The following CNGB1 variants were observed in gnomAD, a reference collection of about 807,000 sequenced individuals.
CNGB1 encodes cyclic nucleotide-gated channel beta-1.
In CNGB1, 126 loss-of-function variants were observed where a neutral mutation model predicts 151.7. That is an observed-to-expected ratio of 0.83 (90% CI 0.72 to 0.96). The LOEUF (loss-of-function observed/expected upper bound fraction) is 0.96. Ranked by LOEUF, CNGB1 falls within the 40% of genes least tolerant of loss-of-function variation. The pLI, the probability that CNGB1 is intolerant of heterozygous loss-of-function variation, is 0.00. For missense variants in CNGB1, 1,698 were observed against 1,627.0 expected, an observed-to-expected ratio of 1.04 and a Z score of -0.75; for synonymous variants, 623 against 635.1, an observed-to-expected ratio of 0.98 and a Z score of 0.29.
At chr16:57,923,112 G>C (rs1208494156) in intron 18 of CNGB1, 161 bp downstream of exon 18, 5 of 539,486 alleles carry the variant, frequency 9.3e-6, no homozygotes, top group African/African-American at 7.7e-5. Flanking sequence ...GGGCCAGCCA[G>C]AAGCAGCCTG....
chr16:57,956,153 G>T (rs1357027447), intron 12 of CNGB1, among the ~76,000 whole-genome samples: 1 of 152,170 alleles, frequency 6.6e-6, no homozygotes, highest in Admixed American at 6.5e-5. Context: ...CCCTCTGAAG[G>T]CTCTCTGCCC....
intron 14 of CNGB1, among the ~76,000 whole-genome samples, chr16:57,943,396 G>A (rs1961720900): frequency 6.6e-6 from 1 of 152,182 alleles, no homozygotes; most frequent in South Asian, 2.1e-4. Context: ...GATAGGCCGG[G>A]TGCAGTGGCT....
intron 19 of CNGB1, 116 bp from the exon 20 acceptor site, chr16:57,919,370 T>G (rs1675286442): frequency 5.1e-6 from 8 of 1,579,406 alleles, no homozygotes; most frequent in Non-Finnish European, 6.9e-6. Context: ...CCTGGCACCA[T>G]TATACAAGCT....
chr16:57,906,443 G>A lies in CNGB1; in HGVS notation c.2493-1568C>T, dbSNP rs192088732. On this transcript the variant is annotated intron_variant, in intron 25 of 32. Coordinates refer to ENST00000251102, the MANE Select transcript of CNGB1 (RefSeq NM_001297.5). Reference sequence around the variant, plus strand: ...TCCAGTGAGGGGACAGGCAGGTGACGTGCAATGCGTGCAGGAAGGAGGAAG... The same window carrying A: ...TCCAGTGAGGGGACAGGCAGGTGACATGCAATGCGTGCAGGAAGGAGGAAG... Among the ~76,000 whole-genome samples the A allele has an allele frequency of 9.2e-5, 14 of 152,324 alleles. No homozygotes were observed. The East Asian group carries it at 1.5e-3, about 17-fold the overall frequency.
chr16:57,919,039 G>C lies in CNGB1; in HGVS notation c.1957+60C>G. The C allele has an allele frequency of 3.7e-6, 6 of 1,612,106 alleles. No homozygotes were observed. In the South Asian group the frequency reaches 5.5e-5, roughly 15 times the overall value. The stretch of plus-strand genomic sequence containing the variant: ...AATCCCCTGACCCTCTCCCCATCCC[G>C]CTCCAACTCTCCTGCTCTCTCATCT... On this transcript the variant is annotated intron_variant, in intron 20 of 32. Coordinates refer to ENST00000251102, the MANE Select transcript of CNGB1 (RefSeq NM_001297.5).
chr16:57,962,636 G>T, intron 6 of CNGB1, 26 bp from the exon 7 acceptor site: 2 of 1,612,742 alleles, frequency 1.2e-6, no homozygotes, highest in Non-Finnish European at 8.5e-7. Context: ...ATACAGAAAG[G>T]CAGTCAGCAG....
chr16:57,935,538 G>A (rs573313329), intron 16 of CNGB1, among the ~76,000 whole-genome samples: 48 of 152,030 alleles, frequency 3.2e-4, no homozygotes, highest in Non-Finnish European at 5.0e-4. Flanking sequence ...AAATTAGCCC[G>A]GAAAGGTGGT....
intron 14 of CNGB1, among the ~76,000 whole-genome samples, chr16:57,942,070 T>G (rs761354083): frequency 1.3e-5 from 2 of 152,036 alleles, no homozygotes; most frequent in Non-Finnish European, 2.9e-5. Context: ...TTAGTAGAGA[T>G]AGGGTCTTGC....
intron 25 of CNGB1, among the ~76,000 whole-genome samples, chr16:57,910,982 C>T (rs1960694792): frequency 6.6e-6 from 1 of 152,132 alleles, no homozygotes; most frequent in South Asian, 2.1e-4. Context: ...TCATCATCAT[C>T]CCTTTGGCAA....
chr16:57,919,723 A>G (rs1960974959), intron 19 of CNGB1, among the ~76,000 whole-genome samples: 1 of 152,194 alleles, frequency 6.6e-6, no homozygotes, highest in African/African-American at 2.4e-5. Flanking sequence ...TTTCATCTCT[A>G]AAAACAGAGA....
intron 21 of CNGB1, 26 bp from the exon 22 acceptor site, chr16:57,916,205 GA>G (rs757340198): frequency 6.2e-7 from 1 of 1,606,058 alleles, no homozygotes; most frequent in South Asian, 1.1e-5. Context: ...TGATGATGGT[GA>G]AATGACCTTA....
At chr16:57,890,782 T>C (rs1354798672) in intron 31 of CNGB1, among the ~76,000 whole-genome samples, 1 of 152,228 alleles carries the variant, frequency 6.6e-6, no homozygotes, top group Non-Finnish European at 1.5e-5. Context: ...CCCGGGACTA[T>C]GGTTCTCAGA....
In CNGB1 at chr16:57,949,196, C is replaced by G. The variant is rs1261276718; in HGVS notation, c.1121+157G>C. On this transcript the variant is annotated intron_variant, in intron 14 of 32. Coordinates refer to ENST00000251102, the MANE Select transcript of CNGB1 (RefSeq NM_001297.5). ...GGTCATGATGAGCACAGCAGGGGAACCCCAGCTTCTCGCAGCCTCTTTGGT... is the reference window on the plus strand; with the variant it reads ...GGTCATGATGAGCACAGCAGGGGAAGCCCAGCTTCTCGCAGCCTCTTTGGT... Among the ~76,000 whole-genome samples the G allele has an allele frequency of 2.0e-5, 3 of 151,972 alleles. No individual in the cohort carries two copies. The South Asian group carries it at 6.2e-4, about 32-fold the overall frequency.
chr16:57,904,688 G>A (rs746170033), intron 26 of CNGB1, 46 bp downstream of exon 26: 49 of 1,612,736 alleles, frequency 3.0e-5, no homozygotes, highest in Non-Finnish European at 3.8e-5. Flanking sequence ...GTGGGAGGGG[G>A]CCCTGCAGTC....
intron 32 of CNGB1, among the ~76,000 whole-genome samples, chr16:57,886,493 T>C (rs1472630148): frequency 1.3e-5 from 2 of 152,212 alleles, no homozygotes; most frequent in Non-Finnish European, 2.9e-5. Context: ...TCTGGGGCCA[T>C]TGGTGGCTGT....
intron 12 of CNGB1, 128 bp downstream of exon 12, chr16:57,957,213 C>G (rs1244858429): frequency 1.3e-6 from 1 of 776,828 alleles, no homozygotes; most frequent in Non-Finnish European, 2.1e-6. Context: ...CCAGGAGACC[C>G]TAACTGCCCC....
At chr16:57,942,345 CA>C in intron 14 of CNGB1, among the ~76,000 whole-genome samples, 1 of 151,830 alleles carries the variant, frequency 6.6e-6, no homozygotes, top group South Asian at 2.1e-4. Context: ...AAGATTCCAC[CA>C]AAAAACTGTT....
At chr16:57,916,893 G>A (rs1960881314) in intron 21 of CNGB1, among the ~76,000 whole-genome samples, 1 of 152,150 alleles carries the variant, frequency 6.6e-6, no homozygotes, top group Non-Finnish European at 1.5e-5. Context: ...GGCAACACTG[G>A]GAGGTGGAAG....
At chr16:57,963,964 C>T in intron 4 of CNGB1, 166 bp downstream of exon 4, 1 of 634,478 alleles carries the variant, frequency 1.6e-6, no homozygotes, top group Non-Finnish European at 2.7e-6. Context: ...CCGCCCTCCA[C>T]CTGAAGCTCA....
Sources: gnomAD v4.1 joint callset for allele counts (sites outside exome capture counted in the v4.1 genomes callset) on GRCh38, gnomAD v4.1.1 for gene constraint, MANE v1.5 for transcripts, NCBI Gene and HGNC (gene_info 2026-07-23, HGNC 2026-07-21) for gene names.